Variants in ZNF804A observed in about 807,000 individuals in gnomAD.
ZNF804A encodes the protein zinc finger protein 804A.
Under a neutral mutation model 16.5 loss-of-function variants are expected in ZNF804A, and 2 were observed. The observed-to-expected ratio is 0.12, with a 90% CI of 0.05 to 0.38. ZNF804A has a LOEUF of 0.38. ZNF804A is among the 10% of genes least tolerant of loss of function. The pLI is 0.99. For synonymous variants in ZNF804A, 534 were observed against 489.6 expected, an observed-to-expected ratio of 1.09 and a Z score of -1.20; for missense variants, 1,473 against 1,390.7, an observed-to-expected ratio of 1.06 and a Z score of -0.94.
At chr2:184,607,224 T>C (rs1691162542) in intron 1 of ZNF804A, among the ~76,000 whole-genome samples, 1 of 152,228 alleles carries the variant, frequency 6.6e-6, no homozygotes, top group Non-Finnish European at 1.5e-5. Flanking sequence ...ACATGTTTAT[T>C]GTACTTGAAG....
chr2:184,906,617 T>C (rs1685279592), intron 2 of ZNF804A, among the ~76,000 whole-genome samples: 1 of 152,082 alleles, frequency 6.6e-6, no homozygotes, highest in African/African-American at 2.4e-5. Flanking sequence ...CTTTTTAATG[T>C]CATCTTTACT....
intron 1 of ZNF804A, among the ~76,000 whole-genome samples, chr2:184,721,372 A>G (rs561588538): frequency 4.9e-4 from 74 of 152,164 alleles, no homozygotes; most frequent in Non-Finnish European, 9.9e-4. Flanking sequence ...TGCCTAGAAT[A>G]TACAATGAGC....
intron 1 of ZNF804A, among the ~76,000 whole-genome samples, chr2:184,842,994 T>C (rs1239022633): frequency 6.6e-6 from 1 of 152,164 alleles, no homozygotes; most frequent in Non-Finnish European, 1.5e-5. Flanking sequence ...AGCTCATGTC[T>C]TGCCCTTTAC....
chr2:184,841,612 C>A (rs749328573), intron 1 of ZNF804A, among the ~76,000 whole-genome samples: 1 of 152,038 alleles, frequency 6.6e-6, no homozygotes, highest in African/African-American at 2.4e-5. Context: ...TAATGTATCA[C>A]CTTCTTAAAT....
intron 2 of ZNF804A, among the ~76,000 whole-genome samples, chr2:184,901,914 TTTC>T (rs1199593490): frequency 6.6e-6 from 1 of 151,984 alleles, no homozygotes; most frequent in Admixed American, 6.6e-5. Flanking sequence ...CACATGACGC[TTTC>T]TTATTTTCCA....
intron 1 of ZNF804A, among the ~76,000 whole-genome samples, chr2:184,680,612 A>G (rs992602747): frequency 6.6e-6 from 1 of 152,244 alleles, no homozygotes; most frequent in Non-Finnish European, 1.5e-5. Context: ...TAACACTTGC[A>G]GGTCACCGCT....
chr2:184,835,115 ATGC>A (rs2105797438), intron 1 of ZNF804A, among the ~76,000 whole-genome samples: 1 of 152,268 alleles, frequency 6.6e-6, no homozygotes, highest in African/African-American at 2.4e-5. Context: ...GATGTTTATA[ATGC>A]TGATGCTGGA....
chr2:184,673,972 T>A (rs554241292), intron 1 of ZNF804A, among the ~76,000 whole-genome samples: 18 of 152,280 alleles, frequency 1.2e-4, no homozygotes, highest in South Asian at 2.1e-4. Flanking sequence ...AATAATAAAC[T>A]ATCTCACCCG....
chr2:184,921,270 A>C (rs1025105744), intron 2 of ZNF804A, among the ~76,000 whole-genome samples: 2 of 152,110 alleles, frequency 1.3e-5, no homozygotes, highest in African/African-American at 4.8e-5. Context: ...TAGTTTTAAA[A>C]CTCTACAAAG....
intron 1 of ZNF804A, among the ~76,000 whole-genome samples, chr2:184,634,802 C>T (rs1691668774): frequency 6.6e-6 from 1 of 152,076 alleles, no homozygotes; most frequent in African/African-American, 2.4e-5. Context: ...TTGTTTTGAG[C>T]CACTAAGTTT....
At chr2:184,646,002 T>C (rs1257551875) in intron 1 of ZNF804A, among the ~76,000 whole-genome samples, 2 of 152,088 alleles carry the variant, frequency 1.3e-5, no homozygotes, top group Admixed American at 1.3e-4. Flanking sequence ...GGAGTGAACT[T>C]GTGAGAAACT....
intron 1 of ZNF804A, among the ~76,000 whole-genome samples, chr2:184,650,793 A>G (rs1290235101): frequency 6.6e-6 from 1 of 152,192 alleles, no homozygotes; most frequent in Non-Finnish European, 1.5e-5. Context: ...TGATGAAAGA[A>G]GTCATACATG....
intron 1 of ZNF804A, among the ~76,000 whole-genome samples, chr2:184,836,109 T>G (rs1268562914): frequency 6.6e-6 from 1 of 152,174 alleles, no homozygotes; most frequent in Non-Finnish European, 1.5e-5. Flanking sequence ...TAATACTTAC[T>G]GGATTGCTGT....
chr2:184,858,223 G>A (rs1180896484), intron 1 of ZNF804A, among the ~76,000 whole-genome samples: 1 of 151,710 alleles, frequency 6.6e-6, no homozygotes, highest in Non-Finnish European at 1.5e-5. Context: ...AACAACTTAG[G>A]CCAGGTGCAG....
At chr2:184,845,152 T>A (rs534279771) in intron 1 of ZNF804A, among the ~76,000 whole-genome samples, 1 of 152,112 alleles carries the variant, frequency 6.6e-6, no homozygotes, top group Non-Finnish European at 1.5e-5. Context: ...AACATATTAA[T>A]CATAGTTACA....
chr2:184,728,439 C>T (rs1693458495), intron 1 of ZNF804A, among the ~76,000 whole-genome samples: 1 of 151,794 alleles, frequency 6.6e-6, no homozygotes, highest in Admixed American at 6.6e-5. Flanking sequence ...ATTATTACTT[C>T]TATGCTTTAT....
chr2:184,726,941 T>G (rs1203001692), intron 1 of ZNF804A, among the ~76,000 whole-genome samples: 2 of 151,576 alleles, frequency 1.3e-5, no homozygotes, highest in Non-Finnish European at 3.0e-5. Flanking sequence ...AGCATAATAA[T>G]AGTAAAATTT....
Position 184,938,256 on chromosome 2 carries a change from G to A in ZNF804A, c.2860G>A (p.Val954Met), listed in dbSNP as rs1685828140. 1 of 1,613,884 alleles carries A rather than the reference G, an allele frequency of 6.2e-7. No homozygotes were observed. Among genetic ancestry groups the A allele is most frequent in the Non-Finnish European group, 8.5e-7 (1 of 1,180,002 alleles). ...NLNEKQIPFQVPNIERNFRQS... is the reference protein window; with the variant it reads ...NLNEKQIPFQMPNIERNFRQS... ...TAATGAAAAGCAAATTCCTTTTCAG[G>A]TGCCTAATATTGAAAGGAACTTTAG... The change falls in exon 4 of 4, where the codon GTG becomes ATG. Residue 954 changes from valine to methionine, a missense_variant. Transcript: ENST00000302277.
intron 1 of ZNF804A, among the ~76,000 whole-genome samples, chr2:184,856,874 C>G (rs1284649550): frequency 1.3e-5 from 2 of 152,058 alleles, no homozygotes; most frequent in African/African-American, 4.8e-5. Flanking sequence ...CCAAAACACT[C>G]TAGTCTCAAG....
Sources: allele counts gnomAD v4.1 joint callset (sites outside exome capture counted in the v4.1 genomes callset), GRCh38; gene constraint gnomAD v4.1.1; transcripts MANE v1.5; gene names NCBI Gene and HGNC (gene_info 2026-07-23, HGNC 2026-07-21).